NRG1: variants seen among roughly 807,000 people sequenced by gnomAD.
The protein encoded by NRG1 is neuregulin 1.
A neutral mutation model predicts 63.8 loss-of-function variants in NRG1; 18 were observed. That is an observed-to-expected ratio of 0.28 (90% confidence interval 0.19 to 0.42). The LOEUF is 0.42. Among genes scored for constraint, NRG1 ranks in the 10% least tolerant of loss-of-function variants. The pLI, the probability that NRG1 is intolerant of heterozygous loss-of-function variation, is 1.00. For missense variants in NRG1, 762 were observed against 814.7 expected, an observed-to-expected ratio of 0.94 and a Z score of 0.79; for synonymous variants, 302 against 301.3, an observed-to-expected ratio of 1.00 and a Z score of -0.02.
intron 1 of NRG1, among the ~76,000 whole-genome samples, chr8:32,160,602 G>A (rs1838719944): frequency 1.3e-5 from 2 of 152,290 alleles, no homozygotes; most frequent in Non-Finnish European, 2.9e-5. Flanking sequence ...GCACACGCAT[G>A]TGTGTGTGTA....
chr8:31,761,467 A>G (rs1213133557), intron 1 of NRG1, among the ~76,000 whole-genome samples: 1 of 152,056 alleles, frequency 6.6e-6, no homozygotes, highest in Non-Finnish European at 1.5e-5. Flanking sequence ...AAAAATAAAT[A>G]AATAAAAATA....
At chr8:32,028,074 G>A (rs926253367) in intron 1 of NRG1, among the ~76,000 whole-genome samples, 16 of 152,256 alleles carry the variant, frequency 1.1e-4, no homozygotes, top group African/African-American at 3.6e-4. Context: ...AGAGTTTATA[G>A]TTTGTCTAAC....
intron 1 of NRG1, among the ~76,000 whole-genome samples, chr8:32,349,152 A>G (rs1169383978): frequency 6.6e-6 from 1 of 152,306 alleles, no homozygotes; most frequent in East Asian, 1.9e-4. Context: ...CTCTGTCAAG[A>G]CACCTTAGTG....
intron 7 of NRG1, among the ~76,000 whole-genome samples, chr8:32,773,545 A>G (rs1831928179): frequency 6.6e-6 from 1 of 152,112 alleles, no homozygotes; most frequent in African/African-American, 2.4e-5. Context: ...TTCTCCCTCC[A>G]CATCTAATTG....
In NRG1 at chr8:32,436,289, A is replaced by G. The variant is rs150136766; in HGVS notation, c.38-159539A>G. Among the ~76,000 whole-genome samples the G allele has an allele frequency of 1.1e-3, 173 of 152,246 alleles. 1 individual carries two copies. Among genetic ancestry groups the G allele is most frequent in the African/African-American group, 4.0e-3 (168 of 41,554 alleles). Reference sequence around the variant, plus strand: ...TGAGGGAAACCACCCCCATGATTCAACTGTCTTCCACCAGGTCCCTCCTAC... The same window carrying G: ...TGAGGGAAACCACCCCCATGATTCAGCTGTCTTCCACCAGGTCCCTCCTAC... On this transcript the variant is annotated intron_variant, in intron 1 of 10. Transcript: ENST00000519301.
At chr8:32,184,628 G>C (rs1841788357) in intron 1 of NRG1, among the ~76,000 whole-genome samples, 1 of 151,762 alleles carries the variant, frequency 6.6e-6, no homozygotes, top group East Asian at 1.9e-4. Flanking sequence ...AGCATCTGGT[G>C]ATTGAACAAA....
intron 1 of NRG1, among the ~76,000 whole-genome samples, chr8:31,853,241 G>A (rs569505165): frequency 5.3e-4 from 80 of 152,252 alleles, no homozygotes; most frequent in South Asian, 1.0e-3. Context: ...TCCTACCCAT[G>A]AGCATGGAAT....
At chr8:31,859,633 G>A (rs1201198681) in intron 1 of NRG1, among the ~76,000 whole-genome samples, 1 of 152,178 alleles carries the variant, frequency 6.6e-6, no homozygotes, top group East Asian at 1.9e-4. Flanking sequence ...TTATGCACAA[G>A]GTGAGGGATA....
intron 1 of NRG1, among the ~76,000 whole-genome samples, chr8:32,583,967 A>T (rs191623908): frequency 1.3e-5 from 2 of 152,304 alleles, no homozygotes; most frequent in East Asian, 3.9e-4. Flanking sequence ...TCTGGGAGTC[A>T]GTGGGTTGTG....
chr8:31,663,992 G>A (rs1440687436), intron 1 of NRG1, among the ~76,000 whole-genome samples: 1 of 151,836 alleles, frequency 6.6e-6, no homozygotes, highest in East Asian at 1.9e-4. Flanking sequence ...TTTTTAGGGG[G>A]GCGGTTTTCT....
chr8:31,683,546 A>T (rs1808559019), intron 1 of NRG1, among the ~76,000 whole-genome samples: 2 of 152,128 alleles, frequency 1.3e-5, no homozygotes, highest in Admixed American at 1.3e-4. Context: ...GTGGGGAGGG[A>T]AGCGTGAGTA....
At chr8:32,571,564 G>A (rs1020625042) in intron 1 of NRG1, among the ~76,000 whole-genome samples, 1 of 151,760 alleles carries the variant, frequency 6.6e-6, no homozygotes, top group Non-Finnish European at 1.5e-5. Flanking sequence ...TTTTGCCTTC[G>A]TATCAGCCAG....
chr8:32,316,834 A>G (rs1484366924), intron 1 of NRG1, among the ~76,000 whole-genome samples: 1 of 151,988 alleles, frequency 6.6e-6, no homozygotes, highest in East Asian at 1.9e-4. Context: ...AATAAAACAC[A>G]TTAGGAAATT....
intron 1 of NRG1, among the ~76,000 whole-genome samples, chr8:32,414,195 C>A (rs1027389121): frequency 5.3e-5 from 8 of 151,958 alleles, no homozygotes; most frequent in Admixed American, 2.6e-4. Flanking sequence ...GTTTCAGGAC[C>A]CTTTGAAGTA....
At chr8:32,609,552 CTCCTTCCT>C (rs750000111) in intron 3 of NRG1, among the ~76,000 whole-genome samples, 18,145 of 82,834 alleles carry the variant, frequency 0.22, 2,247 homozygotes, top group Middle Eastern at 0.3. Context: ...CCTTCCCTCC[CTCCTTCCT>C]TCCTTCCTTC....
At chr8:32,148,095 C>A (rs1837097810) in intron 1 of NRG1, among the ~76,000 whole-genome samples, 1 of 152,076 alleles carries the variant, frequency 6.6e-6, no homozygotes, top group African/African-American at 2.4e-5. Context: ...ACTATAGATA[C>A]TAAAATTTGT....
intron 1 of NRG1, among the ~76,000 whole-genome samples, chr8:32,515,611 T>TA (rs1164091816): frequency 2.0e-5 from 3 of 151,884 alleles, no homozygotes; most frequent in Admixed American, 1.3e-4. Flanking sequence ...CCCAGCTCAT[T>TA]AAAAAAAATT....
At chr8:31,663,847 G>A (rs2130953607) in intron 1 of NRG1, among the ~76,000 whole-genome samples, 1 of 152,164 alleles carries the variant, frequency 6.6e-6, no homozygotes, top group Non-Finnish European at 1.5e-5. Flanking sequence ...CAGGGGAGGA[G>A]GGTGCTGCAG....
At chr8:32,284,522 C>CCTTCCTTCCTTCCTTCTTTCTTT (rs1320643699) in intron 1 of NRG1, among the ~76,000 whole-genome samples, 1 of 151,014 alleles carries the variant, frequency 6.6e-6, no homozygotes, top group Non-Finnish European at 1.5e-5. Context: ...TTCCTTCCTT[C>CCTTCCTTCCTTCCTTCTTTCTTT]CTTCCTTCCT....
Sources: gnomAD v4.1 joint callset for allele counts (sites outside exome capture counted in the v4.1 genomes callset) on GRCh38, gnomAD v4.1.1 for gene constraint, MANE v1.5 for transcripts, NCBI Gene and HGNC (gene_info 2026-07-23, HGNC 2026-07-21) for gene names.